FTO: variants seen among roughly 807,000 people sequenced by gnomAD.
FTO encodes FTO alpha-ketoglutarate dependent dioxygenase.
FTO carries 47 observed loss-of-function variants against 63.9 expected under a neutral mutation model. The observed-to-expected ratio is 0.74, with a 90% confidence interval of 0.58 to 0.94. The LOEUF (loss-of-function observed/expected upper bound fraction) is 0.94, where lower values mean the gene tolerates loss of function less well. Among genes scored for constraint, FTO ranks in the 40% least tolerant of loss-of-function variants. The probability of loss-of-function intolerance (pLI) is 0.00; values close to 1 mark genes in which losing one functional copy is unlikely to be tolerated. For synonymous variants in FTO, 207 were observed against 224.4 expected, an observed-to-expected ratio of 0.92 and a Z score of 0.69; for missense variants, 562 against 618.1, an observed-to-expected ratio of 0.91 and a Z score of 0.96.
At chr16:53,886,934 C>T (rs760190061) in intron 6 of FTO, 3 of 152,170 alleles carry the variant, frequency 2.0e-5, no homozygotes, top group Non-Finnish European at 2.9e-5. Flanking sequence ...GGTGGCTCCA[C>T]GTTTCTTTAG....
At chr16:54,062,827 G>A (rs1458953777) in intron 8 of FTO, among the ~76,000 whole-genome samples, 1 of 152,182 alleles carries the variant, frequency 6.6e-6, no homozygotes, top group Admixed American at 6.5e-5. Context: ...AAAGTGGCTG[G>A]GGATCAGGCT....
intron 8 of FTO, among the ~76,000 whole-genome samples, chr16:53,996,938 G>A (rs2083944514): frequency 6.6e-6 from 1 of 151,910 alleles, no homozygotes; most frequent in African/African-American, 2.4e-5. Context: ...GTGAAACCCC[G>A]TCTGTACTAA....
At chr16:54,051,795 C>T (rs1287460525) in intron 8 of FTO, among the ~76,000 whole-genome samples, 1 of 152,134 alleles carries the variant, frequency 6.6e-6, no homozygotes, top group Non-Finnish European at 1.5e-5. Context: ...GTGCCCTTGG[C>T]TAGGAAACAA....
At chr16:54,028,923 A>G (rs4784348) in intron 8 of FTO, among the ~76,000 whole-genome samples, 32,407 of 152,062 alleles carry the variant, frequency 0.21, 4,691 homozygotes, top group African/African-American at 0.4. Flanking sequence ...AGTCTAAAAA[A>G]TTTTAATTTA....
At chr16:53,816,808 A>G (rs896635648) in intron 2 of FTO, among the ~76,000 whole-genome samples, 6 of 152,046 alleles carry the variant, frequency 3.9e-5, no homozygotes, top group African/African-American at 1.4e-4. Context: ...TATTTTACTT[A>G]TTTATATGCT....
At chr16:53,924,522 G>A (rs909419561) in intron 7 of FTO, among the ~76,000 whole-genome samples, 4 of 151,716 alleles carry the variant, frequency 2.6e-5, no homozygotes, top group African/African-American at 9.7e-5. Flanking sequence ...TTTGTTGGCA[G>A]CCTCTTGAAG....
intron 1 of FTO, among the ~76,000 whole-genome samples, chr16:53,771,706 A>G (rs1173488210): frequency 2.0e-5 from 3 of 152,154 alleles, no homozygotes; most frequent in African/African-American, 7.2e-5. Flanking sequence ...CAAAAGTGGA[A>G]AAAACCCAAA....
intron 1 of FTO, among the ~76,000 whole-genome samples, chr16:53,765,540 A>G (rs2077179445): frequency 6.8e-6 from 1 of 146,874 alleles, no homozygotes; most frequent in African/African-American, 2.6e-5. Flanking sequence ...CTGGGCAACA[A>G]GAGCGAAACT....
chr16:54,099,131 G>A (rs1396724798), intron 8 of FTO, among the ~76,000 whole-genome samples: 1 of 152,100 alleles, frequency 6.6e-6, no homozygotes, highest in Non-Finnish European at 1.5e-5. Flanking sequence ...TGAAAGGAGG[G>A]CTTGATACTA....
chr16:53,709,019 T>A (rs574200262), intron 1 of FTO, among the ~76,000 whole-genome samples: 2 of 152,370 alleles, frequency 1.3e-5, no homozygotes, highest in Non-Finnish European at 2.9e-5. Context: ...TGTTTATTTT[T>A]ATGATTCATG....
chr16:53,817,914 T>C (rs1404859262), intron 2 of FTO, among the ~76,000 whole-genome samples: 1 of 152,168 alleles, frequency 6.6e-6, no homozygotes, highest in African/African-American at 2.4e-5. Flanking sequence ...TTTGTGAATC[T>C]CAAGAAATAC....
intron 8 of FTO, among the ~76,000 whole-genome samples, chr16:54,079,533 G>A (rs2086088146): frequency 6.6e-6 from 1 of 152,150 alleles, no homozygotes; most frequent in African/African-American, 2.4e-5. Flanking sequence ...ATTGGGAAAC[G>A]CATGAGACTA....
chr16:53,854,946 C>T, intron 4 of FTO, among the ~76,000 whole-genome samples: 1 of 151,990 alleles, frequency 6.6e-6, no homozygotes, highest in Non-Finnish European at 1.5e-5. Context: ...TTTGTGTCAT[C>T]TATGATTTCT....
intron 8 of FTO, among the ~76,000 whole-genome samples, chr16:54,058,709 A>G (rs2085500540): frequency 6.6e-6 from 1 of 152,194 alleles, no homozygotes; most frequent in Non-Finnish European, 1.5e-5. Flanking sequence ...AGAGACACCA[A>G]AGATTACTTG....
chr16:54,040,545 G>C (rs2144271555), intron 8 of FTO: 1 of 152,314 alleles, frequency 6.6e-6, no homozygotes, highest in African/African-American at 2.4e-5. Context: ...CAGATTGTGA[G>C]CTAGGAAATC....
intron 4 of FTO, among the ~76,000 whole-genome samples, chr16:53,867,731 C>T (rs1268639153): frequency 6.6e-6 from 1 of 152,218 alleles, no homozygotes; most frequent in African/African-American, 2.4e-5. Flanking sequence ...TGGTATTGCT[C>T]AGTTCAACTA....
intron 7 of FTO, among the ~76,000 whole-genome samples, chr16:53,899,626 C>G (rs1482073702): frequency 3.3e-5 from 5 of 152,184 alleles, no homozygotes; most frequent in African/African-American, 1.2e-4. Context: ...GTCTACACTT[C>G]AGACAGATCC....
chr16:54,014,180 A>G lies in FTO; in HGVS notation c.1364+80071A>G, dbSNP rs535188306. Among the ~76,000 whole-genome samples the G allele has an allele frequency of 2.2e-4, 34 of 152,296 alleles. No homozygotes were observed. The South Asian group carries it at 5.0e-3, about 22-fold the overall frequency. Reference sequence around the variant, plus strand: ...GTCTGTTTTAGAGAAAAGACTTACAATGACCTCCTGATATAGTTTGGATAT... The same window carrying G: ...GTCTGTTTTAGAGAAAAGACTTACAGTGACCTCCTGATATAGTTTGGATAT... On this transcript the variant is annotated intron_variant, in intron 8 of 8. Coordinates refer to ENST00000471389, the MANE Select transcript of FTO (RefSeq NM_001080432.3).
chr16:53,777,771 A>C (rs2077495425), intron 1 of FTO, among the ~76,000 whole-genome samples: 1 of 152,230 alleles, frequency 6.6e-6, no homozygotes, highest in Non-Finnish European at 1.5e-5. Flanking sequence ...CCTGAAGTTT[A>C]TCATTGGCAG....
Sources: gnomAD v4.1 joint callset for allele counts (sites outside exome capture counted in the v4.1 genomes callset) on GRCh38, gnomAD v4.1.1 for gene constraint, MANE v1.5 for transcripts, NCBI Gene and HGNC (gene_info 2026-07-23, HGNC 2026-07-21) for gene names.